Variants in CSMD1 observed in about 807,000 individuals in gnomAD.
CSMD1 encodes the protein CUB and Sushi multiple domains 1, also known as CUB and sushi domain-containing protein 1.
CSMD1 carries 213 observed loss-of-function variants against 417.5 expected under a neutral mutation model. The observed-to-expected ratio is 0.51, with a 90% CI of 0.46 to 0.57. The LOEUF (loss-of-function observed/expected upper bound fraction) is 0.57, where lower values mean the gene tolerates loss of function less well. CSMD1 is among the 20% of genes least tolerant of loss of function. The pLI, the probability that CSMD1 is intolerant of heterozygous loss-of-function variation, is 0.00. For missense variants in CSMD1, 6,923 were observed against 4,529.7 expected (o/e 1.53, Z -15.17); for synonymous variants, 2,862 against 1,736.8 (o/e 1.65, Z -16.11).
At chr8:4,244,278 C>G (rs953802625) in intron 3 of CSMD1, among the ~76,000 whole-genome samples, 2 of 152,080 alleles carry the variant, frequency 1.3e-5, no homozygotes, top group East Asian at 3.9e-4. Context: ...AGCAGGCCCC[C>G]GGGTCTTCGG....
chr8:4,732,165 G>A (rs376705588), intron 1 of CSMD1, among the ~76,000 whole-genome samples: 2 of 152,210 alleles, frequency 1.3e-5, no homozygotes, highest in African/African-American at 4.8e-5. Flanking sequence ...GACCCAGTGT[G>A]CAAAAGCGTT....
Position 4,754,101 on chromosome 8 carries a change from C to T in CSMD1, c.86-116543G>A, listed in dbSNP as rs200843836. Among the ~76,000 whole-genome samples the T allele has an allele frequency of 1.1e-4, 17 of 151,784 alleles. No homozygotes were observed. In the East Asian group the frequency reaches 3.1e-3, roughly 28 times the overall value. The stretch of plus-strand genomic sequence containing the variant: ...ATATTTAGAAATGTGAAATATGAAT[C>T]GTATGTTACATTAAACATTTATTCT... On this transcript the variant is annotated intron_variant, in intron 1 of 69. Transcript: ENST00000635120.
In CSMD1 at chr8:3,650,464, T is replaced by C. The variant is rs1221288082; in HGVS notation, c.1010-33667A>G. Among the ~76,000 whole-genome samples the C allele has an allele frequency of 2.0e-5, 3 of 152,188 alleles. No individual in the cohort carries two copies. In the East Asian group the frequency reaches 5.8e-4, roughly 29 times the overall value. ...GGAAAACTCATCGAAGAACTCATCA[T>C]GCTCTAGGACTAAATTAAGCTTAGC... On this transcript the variant is annotated intron_variant, in intron 7 of 69. Coordinates refer to ENST00000635120, the MANE Select transcript of CSMD1 (RefSeq NM_033225.6).
chr8:4,876,568 A>G (rs1049646457), intron 1 of CSMD1, among the ~76,000 whole-genome samples: 3 of 152,166 alleles, frequency 2.0e-5, no homozygotes, highest in Admixed American at 6.5e-5. Context: ...TTCACCGTAC[A>G]AGGATGCTTA....
In CSMD1 at chr8:3,633,442, G is replaced by A. The variant is rs148716602; in HGVS notation, c.1010-16645C>T. On this transcript the variant is annotated intron_variant, in intron 7 of 69. Coordinates refer to ENST00000635120, the MANE Select transcript of CSMD1 (RefSeq NM_033225.6). ...TGGTTGCTACTCCCGGCAGGATAAT[G>A]CAAATAATATCTAACATATGTATAA... 2.7e-4 allele frequency among the ~76,000 whole-genome samples: 41 copies of A among 152,286 alleles called. No individual in the cohort carries two copies. In the East Asian group the frequency reaches 6.6e-3, roughly 24 times the overall value.
chr8:4,140,121 G>T (rs1007331193), intron 3 of CSMD1, among the ~76,000 whole-genome samples: 1 of 150,924 alleles, frequency 6.6e-6, no homozygotes, highest in Non-Finnish European at 1.5e-5. Flanking sequence ...TGGAGGTGAA[G>T]GCGGGAGGAT....
intron 1 of CSMD1, among the ~76,000 whole-genome samples, chr8:4,829,621 T>G (rs1253232108): frequency 1.3e-5 from 2 of 151,630 alleles, no homozygotes; most frequent in African/African-American, 4.8e-5. Context: ...ATGCCTGTGG[T>G]CCCAAGTACT....
intron 1 of CSMD1, among the ~76,000 whole-genome samples, chr8:4,971,531 G>T (rs910461457): frequency 6.6e-6 from 1 of 151,944 alleles, no homozygotes; most frequent in Non-Finnish European, 1.5e-5. Flanking sequence ...ATTTTTATCT[G>T]ACATAATTTC....
At chr8:4,064,787 C>G (rs1214950275) in intron 3 of CSMD1, among the ~76,000 whole-genome samples, 1 of 152,130 alleles carries the variant, frequency 6.6e-6, no homozygotes, top group African/African-American at 2.4e-5. Context: ...TTAGAAACAG[C>G]CTTCCTGTAC....
At chr8:4,541,126 AT>A (rs912208802) in intron 2 of CSMD1, among the ~76,000 whole-genome samples, 5 of 152,066 alleles carry the variant, frequency 3.3e-5, no homozygotes, top group Admixed American at 6.6e-5. Flanking sequence ...ATGAGAACTG[AT>A]TTTTTTACCA....
At chr8:3,683,875 C>T (rs747759773) in intron 7 of CSMD1, among the ~76,000 whole-genome samples, 5 of 151,896 alleles carry the variant, frequency 3.3e-5, no homozygotes, top group Non-Finnish European at 7.4e-5. Context: ...TCGCAGTTTG[C>T]TTATTTTTAT....
At chr8:4,007,599 G>A (rs1467306292) in intron 4 of CSMD1, among the ~76,000 whole-genome samples, 1 of 152,134 alleles carries the variant, frequency 6.6e-6, no homozygotes, top group Non-Finnish European at 1.5e-5. Context: ...GCAATGGAAT[G>A]CAAGCTTTAT....
intron 3 of CSMD1, among the ~76,000 whole-genome samples, chr8:4,161,422 T>A (rs1404394842): frequency 2.0e-5 from 3 of 152,198 alleles, no homozygotes; most frequent in Non-Finnish European, 1.5e-5. Flanking sequence ...TCCTCCTTAA[T>A]TTTTTAGAAG....
chr8:3,884,630 G>A (rs1057392776), intron 5 of CSMD1, among the ~76,000 whole-genome samples: 6 of 152,106 alleles, frequency 3.9e-5, no homozygotes, highest in African/African-American at 1.2e-4. Context: ...TAAACAAAAA[G>A]ACGTTACTTA....
intron 12 of CSMD1, among the ~76,000 whole-genome samples, chr8:3,457,698 T>A (rs1043362956): frequency 6.6e-6 from 1 of 152,134 alleles, no homozygotes; most frequent in African/African-American, 2.4e-5. Context: ...CTTGTTGAGA[T>A]CATAAAAACT....
chr8:3,854,294 A>T (rs1013414028), intron 5 of CSMD1, among the ~76,000 whole-genome samples: 1 of 151,672 alleles, frequency 6.6e-6, no homozygotes, highest in African/African-American at 2.4e-5. Context: ...TTGTAAGGTG[A>T]AATTTTAGTA....
chr8:4,189,874 A>G (rs981988224), intron 3 of CSMD1, among the ~76,000 whole-genome samples: 1 of 152,268 alleles, frequency 6.6e-6, no homozygotes, highest in African/African-American at 2.4e-5. Flanking sequence ...TACGTAATAC[A>G]TAGCCTTGAA....
chr8:4,619,509 C>T (rs1227503955), intron 2 of CSMD1, among the ~76,000 whole-genome samples: 2 of 152,110 alleles, frequency 1.3e-5, no homozygotes, highest in African/African-American at 4.8e-5. Flanking sequence ...TGCAAAATGT[C>T]ACTAACTCTG....
chr8:3,183,480 T>G (rs1821555992), intron 36 of CSMD1, among the ~76,000 whole-genome samples: 1 of 63,268 alleles, frequency 1.6e-5, no homozygotes, highest in South Asian at 6.3e-4. Flanking sequence ...AGTAGGTCTC[T>G]AACGTTTCTT....
Sources: gnomAD v4.1 joint callset for allele counts (sites outside exome capture counted in the v4.1 genomes callset) on GRCh38, gnomAD v4.1.1 for gene constraint, MANE v1.5 for transcripts, NCBI Gene and HGNC (gene_info 2026-07-23, HGNC 2026-07-21) for gene names.